DYNC1H1: variants seen among roughly 807,000 people sequenced by gnomAD.
DYNC1H1 encodes cytoplasmic dynein 1 heavy chain 1.
Under a neutral mutation model 527.1 loss-of-function variants are expected in DYNC1H1, and 51 were observed. The observed-to-expected ratio is 0.10, with a 90% confidence interval of 0.08 to 0.12. The LOEUF (loss-of-function observed/expected upper bound fraction) is 0.12, where lower values mean the gene tolerates loss of function less well. Among genes scored for constraint, DYNC1H1 ranks in the 10% least tolerant of loss-of-function variants. The pLI is 1.00. For synonymous variants in DYNC1H1, 2,189 were observed against 2,278.8 expected (o/e 0.96, Z 1.12); for missense variants, 2,771 against 5,971.8 (o/e 0.46, Z 17.66).
In DYNC1H1 at chr14:102,029,848, A is replaced by G. The variant is rs770822721; in HGVS notation, c.9672A>G (p.Ile3224Met). 6.2e-7 allele frequency: 1 copy of G among 1,614,162 alleles called. No homozygotes were observed. Among genetic ancestry groups the G allele is most frequent in the Non-Finnish European group, 8.5e-7 (1 of 1,180,050 alleles). Reference sequence around the variant, plus strand: ...AAGAACTGCGTCGTGACTTGAGGATAAAGAGCCAAGAGCTGGAGGTGAAGA... The same window carrying G: ...AAGAACTGCGTCGTGACTTGAGGATGAAGAGCCAAGAGCTGGAGGTGAAGA... The part of the protein sequence containing the change: ...QVEELRRDLR[I>M]KSQELEVKNA... Residue 3224 changes from isoleucine to methionine, a missense_variant, in exon 50 of 78, where the codon ATA (isoleucine) becomes ATG (methionine). By Grantham distance (10) the Ile-to-Met change is conservative. Coordinates refer to ENST00000360184, the MANE Select transcript of DYNC1H1 (RefSeq NM_001376.5). The surrounding 1 kb of genome is among the most constrained non-coding windows in gnomAD (Gnocchi z 5.3).
chr14:102,023,064 A>T, intron 43 of DYNC1H1, 184 bp downstream of exon 43: 1 of 968,020 alleles, frequency 1.0e-6, no homozygotes. Context: ...GGAGTTTGAG[A>T]CCAGCCTGGG....
chr14:102,043,694 A>G, intron 69 of DYNC1H1, 181 bp from the exon 70 acceptor site: 1 of 711,542 alleles, frequency 1.4e-6, no homozygotes. Context: ...TCATTGGATG[A>G]CACGTCTATT....
rs767715372 is a variant in DYNC1H1, at chr14:102,029,941, A to G, written c.9762+3A>G. 1.9e-6 allele frequency: 3 copies of G among 1,613,978 alleles called. No individual in the cohort carries two copies. In the Admixed American group the frequency reaches 5.0e-5, roughly 27 times the overall value. ...AGCAGGAGGCTGAAAAGAAGAAGGTATGGTGTCAGGGAATTCTGGCCTGTA... is the reference window on the plus strand; with the variant it reads ...AGCAGGAGGCTGAAAAGAAGAAGGTGTGGTGTCAGGGAATTCTGGCCTGTA... On this transcript the variant is annotated splice_donor_region_variant and intron_variant, in intron 50 of 77. Coordinates refer to ENST00000360184, the MANE Select transcript of DYNC1H1 (RefSeq NM_001376.5). The surrounding 1 kb of genome is among the most constrained non-coding windows in gnomAD (Gnocchi z 5.3).
rs1364718145 is a variant in DYNC1H1, at chr14:102,001,841, A to C, written c.4542+160A>C. Reference sequence around the variant, plus strand: ...CGCTGGAGTGCAGTGGCACCATCACAGCTCACTGCTGCAGCCTTGACTTCC... The same window carrying C: ...CGCTGGAGTGCAGTGGCACCATCACCGCTCACTGCTGCAGCCTTGACTTCC... On this transcript the variant is annotated intron_variant, in intron 21 of 77. Transcript: ENST00000360184. The surrounding 1 kb of genome is among the most constrained non-coding windows in gnomAD (Gnocchi z 5.0). Among the ~76,000 whole-genome samples, 2 of 152,062 alleles carry C rather than the reference A, an allele frequency of 1.3e-5. No homozygotes were observed. The highest frequency in any genetic ancestry group is 4.8e-5 in the African/African-American group (2 of 41,388).
Position 102,054,372 on chromosome 14 carries a change from G to A in DYNC1H1, c.*3809G>A, listed in dbSNP as rs1047254160. ...TCTGGGGAGCCTCCACCTTCACACC[G>A]AAGGCCGCCAAGGTGGTTGGCAAGA... On this transcript the variant is annotated 3_prime_UTR_variant, in exon 78 of 78. Transcript: ENST00000360184. 5.3e-5 allele frequency: 8 copies of A among 152,312 alleles called. No individual in the cohort carries two copies. Among genetic ancestry groups the A allele is most frequent in the Non-Finnish European group, 5.9e-5 (4 of 68,070 alleles). The allele number at this position is 152,312 out of a possible 1,614,324, so 9.4% of individuals were successfully genotyped here.
chr14:102,031,808 G>C (rs909404955), intron 51 of DYNC1H1, among the ~76,000 whole-genome samples: 1 of 152,112 alleles, frequency 6.6e-6, no homozygotes, highest in Non-Finnish European at 1.5e-5. Flanking sequence ...TAGGAAATTA[G>C]CTGGGCGTGG....
In DYNC1H1 at chr14:102,010,111, A is replaced by G. The variant is rs1388942419; in HGVS notation, c.6221+25A>G. On this transcript the variant is annotated intron_variant, in intron 30 of 77. Coordinates refer to ENST00000360184, the MANE Select transcript of DYNC1H1 (RefSeq NM_001376.5). This position sits in a 1 kb window ranked among gnomAD's most constrained non-coding sequence, Gnocchi z 6.0. The stretch of plus-strand genomic sequence containing the variant: ...AGTAAGTAGCCTAGAATTCTTCATA[A>G]TCATGTTTCTTGCATATGTTAAATG... The G allele has an allele frequency of 1.2e-6, 2 of 1,613,360 alleles. No individual in the cohort carries two copies. Among genetic ancestry groups the G allele is most frequent in the East Asian group, 2.2e-5 (1 of 44,892 alleles).
rs974996796 is a variant in DYNC1H1, at chr14:102,039,794, A to G, written c.11690+62A>G. The G allele has an allele frequency of 6.6e-7, 1 of 1,507,392 alleles. No individual in the cohort carries two copies. The highest frequency in any genetic ancestry group is 1.7e-5 in the Admixed American group (1 of 59,772). The allele number at this position is 1,507,392 out of a possible 1,614,324, so 93.4% of individuals were successfully genotyped here. ...GCTGGTGGCCCCCAAGGGTTTCATG[A>G]TCAGATACATGCTTTTATTATTTCT... On this transcript the variant is annotated intron_variant, in intron 62 of 77. Transcript: ENST00000360184. The surrounding 1 kb of genome is among the most constrained non-coding windows in gnomAD (Gnocchi z 7.0).
chr14:102,012,174 T>C lies in DYNC1H1; in HGVS notation c.6857+61T>C. 6.2e-7 allele frequency: 1 copy of C among 1,612,038 alleles called. No individual in the cohort carries two copies. Among genetic ancestry groups the C allele is most frequent in the South Asian group, 1.1e-5 (1 of 90,972 alleles). ...GATATGGGCGCTAAGTACTTTGCTC[T>C]CACAAGAGCAGAGTATACGTTATTT... is the stretch of plus-strand genomic sequence containing the variant. On this transcript the variant is annotated intron_variant, in intron 33 of 77. Transcript: ENST00000360184. This position sits in a 1 kb window ranked among gnomAD's most constrained non-coding sequence, Gnocchi z 4.9.
intron 41 of DYNC1H1, 130 bp from the exon 42 acceptor site, chr14:102,019,763 A>G (rs774496548): frequency 4.2e-5 from 50 of 1,202,156 alleles, no homozygotes; most frequent in South Asian, 6.4e-5. Context: ...CACCATGTCC[A>G]GCTATCTTCT....
chr14:102,049,450 T>G lies in DYNC1H1; in HGVS notation c.13383T>G (p.Pro4461=). 6.2e-7 allele frequency: 1 copy of G among 1,614,126 alleles called. No individual in the cohort carries two copies. ...LINELVKGIL[P]RSWSHYTVPA... Reference sequence around the variant, plus strand: ...GTGCCTTGGCTGCAGGGATCTTGCCTCGGAGCTGGTCCCACTACACGGTGC... The same window carrying G: ...GTGCCTTGGCTGCAGGGATCTTGCCGCGGAGCTGGTCCCACTACACGGTGC... Residue 4461 remains proline (P), a synonymous_variant, in exon 75 of 78, where the codon CCT becomes CCG. Coordinates refer to ENST00000360184, the MANE Select transcript of DYNC1H1 (RefSeq NM_001376.5). The surrounding 1 kb of genome is among the most constrained non-coding windows in gnomAD (Gnocchi z 5.5).
At position 102,001,303 on chromosome 14, in the gene DYNC1H1, T is replaced by G; in HGVS notation, c.4344T>G (p.Asp1448Glu). ...DLQKNEAIVKDVLLVAQGEMA... is the reference protein window; with the variant it reads ...DLQKNEAIVKEVLLVAQGEMA... ...AGAAAAATGAAGCGATTGTCAAGGATGTACTGCTTGTGGCACAAGGGGAGA... is the reference window on the plus strand; with the variant it reads ...AGAAAAATGAAGCGATTGTCAAGGAGGTACTGCTTGTGGCACAAGGGGAGA... The change falls in exon 20 of 78, where the codon GAT (aspartate) becomes GAG (glutamate). Residue 1448 changes from aspartate to glutamate, a missense_variant. By Grantham distance (45) the Asp-to-Glu change is conservative. This residue lies in a region of DYNC1H1 where 223 missense variants were observed against 462.5 expected (regional missense o/e 0.48). Transcript: ENST00000360184. The surrounding 1 kb of genome is among the most constrained non-coding windows in gnomAD (Gnocchi z 5.0). 1 of 1,614,182 alleles carries G rather than the reference T, an allele frequency of 6.2e-7. No homozygotes were observed. The highest frequency in any genetic ancestry group is 2.2e-5 in the East Asian group (1 of 44,890).
chr14:101,965,582 A>C lies in DYNC1H1; in HGVS notation c.256+635A>C, dbSNP rs1243393986. ...CTGCGAGCATCACTGTTGTAGGTGG[A>C]TGCTCTCACAGCATCCTTGCTGAAC... On this transcript the variant is annotated intron_variant, in intron 1 of 77. Coordinates refer to ENST00000360184, the MANE Select transcript of DYNC1H1 (RefSeq NM_001376.5). This position sits in a 1 kb window ranked among gnomAD's most constrained non-coding sequence, Gnocchi z 4.1. Among the ~76,000 whole-genome samples, 1 of 152,032 alleles carries C rather than the reference A, an allele frequency of 6.6e-6. No homozygotes were observed. The highest frequency in any genetic ancestry group is 1.5e-5 in the Non-Finnish European group (1 of 68,016).
At chr14:101,968,851 G>A (rs12884482) in intron 1 of DYNC1H1, among the ~76,000 whole-genome samples, 11,082 of 151,952 alleles carry the variant, frequency 0.073, 522 homozygotes, top group Non-Finnish European at 0.11. Context: ...CGTGCGCCAT[G>A]ACATCCAGCC....
chr14:101,993,973 C>G (rs533366412), intron 11 of DYNC1H1, among the ~76,000 whole-genome samples: 3 of 152,294 alleles, frequency 2.0e-5, no homozygotes, highest in African/African-American at 7.2e-5. Context: ...CCAAATTTCT[C>G]TGTTGTCATT....
At chr14:101,989,826 T>A (rs1420826949) in intron 10 of DYNC1H1, among the ~76,000 whole-genome samples, 1 of 152,222 alleles carries the variant, frequency 6.6e-6, no homozygotes, top group Non-Finnish European at 1.5e-5. Context: ...ATTACAGTCA[T>A]GCACTGCAAA....
At position 101,986,559 on chromosome 14, in the gene DYNC1H1, C is replaced by T. The variant is rs957105344; in HGVS notation, c.2334C>T (p.Ala778=). ...AHQANQLYPF[A]ISLIESVRTY... ...AAGCAAACCAGCTTTACCCGTTTGC[C>T]ATCTCACTGATCGAGAGCGTTCGTA... is the stretch of plus-strand genomic sequence containing the variant. The change falls in exon 8 of 78, where the codon GCC becomes GCT. Residue 778 remains alanine, a synonymous_variant. Coordinates refer to ENST00000360184, the MANE Select transcript of DYNC1H1 (RefSeq NM_001376.5). The surrounding 1 kb of genome is among the most constrained non-coding windows in gnomAD (Gnocchi z 8.7). The T allele has an allele frequency of 6.2e-7, 1 of 1,614,120 alleles. No homozygotes were observed. Among genetic ancestry groups the T allele is most frequent in the South Asian group, 1.1e-5 (1 of 91,078 alleles).
chr14:101,986,253 C>T lies in DYNC1H1; in HGVS notation c.2028C>T (p.His676=), dbSNP rs758895614. ...TCCTTGGCAAGGGCTGGGAGAATCA[C>T]GTGGAGGGGCAGAAGCTGAAGCAGG... The part of the protein sequence containing the change: ...EDVLGKGWEN[H]VEGQKLKQDG... The change falls in exon 8 of 78, where the codon CAC becomes CAT. Residue 676 remains histidine (H), a synonymous_variant. Transcript: ENST00000360184. This position sits in a 1 kb window ranked among gnomAD's most constrained non-coding sequence, Gnocchi z 8.7. 26 of 1,613,824 alleles carry T rather than the reference C, an allele frequency of 1.6e-5. No homozygotes were observed. The highest frequency in any genetic ancestry group is 2.0e-5 in the Non-Finnish European group (24 of 1,179,978).
rs529511565 is a variant in DYNC1H1 at position 102,053,755 on chromosome 14, T to TTTG, written c.*3194_*3195insGTT. The TTTG allele has an allele frequency of 0.021, 2,961 of 142,798 alleles. 94 individuals are homozygous for TTTG. The highest frequency in any genetic ancestry group is 0.074 in the African/African-American group (2,817 of 37,966). The allele number at this position is 142,798 out of a possible 1,614,324, so 8.8% of individuals were successfully genotyped here. A position where few individuals can be genotyped will look rare whatever the true frequency, so the allele number is the denominator to read the frequency against. On this transcript the variant is annotated 3_prime_UTR_variant, in exon 78 of 78. Coordinates refer to ENST00000360184, the MANE Select transcript of DYNC1H1 (RefSeq NM_001376.5). ...CCACACTCGGCCTCTTTGTTTGTTT[T>TTTG]TTTTTTTTTTTGAGACAGTCTGGCT...
Sources: gnomAD v4.1 joint callset for allele counts (sites outside exome capture counted in the v4.1 genomes callset) on GRCh38, gnomAD v4.1.1 for gene constraint, gnomAD v4.1.1 regional missense constraint, Gnocchi (gnomAD v3.1) non-coding constraint, MANE v1.5 for transcripts, NCBI Gene and HGNC (gene_info 2026-07-23, HGNC 2026-07-21) for gene names.